Variants in COPG2 observed in about 807,000 individuals in gnomAD.
COPG2 encodes the protein coatomer subunit gamma-2.
A neutral mutation model predicts 46.3 loss-of-function variants in COPG2; 37 were observed. The ratio of observed to expected loss-of-function variants is 0.80; its 90% CI spans 0.61 to 1.05. The LOEUF is 1.05. Among genes scored for constraint, COPG2 ranks in the 50% least tolerant of loss-of-function variants. The pLI is 0.00. For synonymous variants in COPG2, 159 were observed against 129.7 expected (o/e 1.23, Z -1.53); for missense variants, 427 against 387.8 (o/e 1.10, Z -0.85).
chr7:130,587,621 G>A (rs1036043950), intron 9 of COPG2, among the ~76,000 whole-genome samples: 5 of 151,930 alleles, frequency 3.3e-5, no homozygotes, highest in Non-Finnish European at 7.4e-5. Flanking sequence ...TCCCTTCCTT[G>A]CACCTTATAC....
At chr7:130,601,014 T>G (rs1794623509) in intron 9 of COPG2, among the ~76,000 whole-genome samples, 1 of 152,236 alleles carries the variant, frequency 6.6e-6, no homozygotes. Flanking sequence ...CTCAATTCCC[T>G]TGCTTTGGGA....
intron 9 of COPG2, among the ~76,000 whole-genome samples, chr7:130,593,441 G>A (rs1396243412): frequency 1.3e-5 from 2 of 152,176 alleles, no homozygotes; most frequent in East Asian, 3.8e-4. Flanking sequence ...ACACAGAGAA[G>A]TAATGATGCA....
chr7:130,555,053 T>A lies in COPG2; in HGVS notation c.1208A>T (p.Asn403Ile), dbSNP rs1048074944. ...KHSVMMTFLSNMLRDDGGFEY... is the reference protein window; with the variant it reads ...KHSVMMTFLSIMLRDDGGFEY... ...TCTACCTACATCATCTCGGAGCATG[T>A]TGGAGAGGAAAGTCATCATGACACT... is the stretch of plus-strand genomic sequence containing the variant. Residue 403 changes from asparagine to isoleucine, a missense_variant, in exon 13 of 24, where the codon AAC becomes ATC. Asn to Ile is a moderately radical substitution (Grantham distance 149). Transcript: ENST00000425248. 1 of 398,502 alleles carries A rather than the reference T, an allele frequency of 2.5e-6. No homozygotes were observed. The highest frequency in any genetic ancestry group is 4.4e-6 in the Non-Finnish European group (1 of 226,004). 24.7% of individuals were successfully genotyped at this position (398,502 alleles called of 1,614,324 possible). A position where few individuals can be genotyped will look rare whatever the true frequency, so the allele number is the denominator to read the frequency against.
intron 9 of COPG2, among the ~76,000 whole-genome samples, chr7:130,592,615 G>T (rs1554449196): frequency 6.6e-6 from 1 of 152,048 alleles, no homozygotes; most frequent in Non-Finnish European, 1.5e-5. Context: ...TTGATAAGGG[G>T]TATCTTTTTT....
intron 9 of COPG2, among the ~76,000 whole-genome samples, chr7:130,578,220 A>AC (rs1287835188): frequency 2.0e-5 from 3 of 148,450 alleles, no homozygotes; most frequent in East Asian, 2.0e-4. Context: ...ACTGGGAGGC[A>AC]CCCCCCAGCA....
intron 20 of COPG2, among the ~76,000 whole-genome samples, chr7:130,531,639 G>C (rs1398875433): frequency 6.6e-6 from 1 of 152,120 alleles, no homozygotes; most frequent in Admixed American, 6.5e-5. Flanking sequence ...AATAAGGAAG[G>C]GAATGCGGTA....
intron 20 of COPG2, among the ~76,000 whole-genome samples, chr7:130,532,575 G>A (rs970187211): frequency 6.6e-6 from 1 of 151,990 alleles, no homozygotes; most frequent in Non-Finnish European, 1.5e-5. Context: ...GGAGGAGGGT[G>A]GGGGGAGATA....
rs1554459338 is a variant in COPG2, at chr7:130,652,957, T to C, written c.244-9A>G. On this transcript the variant is annotated splice_polypyrimidine_tract_variant and intron_variant, in intron 4 of 23. Coordinates refer to ENST00000425248, the MANE Select transcript of COPG2 (RefSeq NM_012133.6). ...ATTCTCCTCAATGTTTGCTGAAAAA[T>C]CATTTATAAAAGGTAACAGATTATT... is the stretch of plus-strand genomic sequence containing the variant. 5 of 1,572,918 alleles carry C rather than the reference T, an allele frequency of 3.2e-6. No homozygotes were observed. The highest frequency in any genetic ancestry group is 1.1e-5 in the South Asian group (1 of 87,006).
At chr7:130,540,988 G>A (rs1476234233) in intron 20 of COPG2, among the ~76,000 whole-genome samples, 1 of 152,170 alleles carries the variant, frequency 6.6e-6, no homozygotes, top group Admixed American at 6.5e-5. Context: ...CTGATAGGCC[G>A]CCTTGGGGTC....
intron 20 of COPG2, among the ~76,000 whole-genome samples, chr7:130,545,211 A>G (rs1423583795): frequency 5.3e-5 from 8 of 151,888 alleles, no homozygotes; most frequent in African/African-American, 1.5e-4. Context: ...ATTTCATCCT[A>G]TAACAGTCCT....
At chr7:130,565,672 CTAAAATATTTAATT>C (rs1171990384) in intron 9 of COPG2, among the ~76,000 whole-genome samples, 2 of 151,824 alleles carry the variant, frequency 1.3e-5, no homozygotes, top group Non-Finnish European at 2.9e-5. Flanking sequence ...CTAAAGGAAA[CTAAAATATTTAATT>C]TAAAGGGAAG....
At chr7:130,668,568 T>G in intron 1 of COPG2, 64 bp downstream of exon 1, 1 of 1,436,508 alleles carries the variant, frequency 7.0e-7, no homozygotes, top group Non-Finnish European at 9.3e-7. Flanking sequence ...TGAAAGCAGG[T>G]GGCGGCGGGC....
chr7:130,647,513 G>T (rs1584607430), intron 5 of COPG2, among the ~76,000 whole-genome samples: 2 of 152,094 alleles, frequency 1.3e-5, no homozygotes, highest in Admixed American at 6.5e-5. Flanking sequence ...TAAATACCTA[G>T]AAGGGGTATT....
intron 5 of COPG2, among the ~76,000 whole-genome samples, chr7:130,641,118 C>T (rs1343382974): frequency 7.1e-6 from 1 of 141,142 alleles, no homozygotes; most frequent in Non-Finnish European, 1.5e-5. Context: ...GATGAGAGGA[C>T]TGCTTGAGGT....
At chr7:130,575,533 C>T (rs1233391491) in intron 9 of COPG2, among the ~76,000 whole-genome samples, 1 of 152,078 alleles carries the variant, frequency 6.6e-6, no homozygotes, top group Non-Finnish European at 1.5e-5. Context: ...AAGCCACCAC[C>T]ACAAGGACTA....
intron 9 of COPG2, among the ~76,000 whole-genome samples, chr7:130,596,195 C>T (rs968219572): frequency 1.3e-5 from 2 of 152,282 alleles, no homozygotes. Context: ...TTCTGTTCTC[C>T]CAAGGGACCA....
At chr7:130,547,890 TCCTTC>T (rs1793470680) in intron 19 of COPG2, 45 bp from the exon 20 acceptor site, 3 of 398,458 alleles carry the variant, frequency 7.5e-6, no homozygotes, top group Non-Finnish European at 1.3e-5. Flanking sequence ...TAACAAGTTA[TCCTTC>T]CTACTCATAA....
chr7:130,544,436 C>T (rs1793393937), intron 20 of COPG2, among the ~76,000 whole-genome samples: 1 of 152,076 alleles, frequency 6.6e-6, no homozygotes, highest in Admixed American at 6.5e-5. Context: ...AACTCACATA[C>T]ATGTACTGTT....
intron 5 of COPG2, chr7:130,645,153 T>C (rs1301814028): frequency 3.7e-6 from 2 of 540,038 alleles, no homozygotes; most frequent in African/African-American, 3.9e-5. Flanking sequence ...GTGTTCACAG[T>C]AAGAAAATAT....
Sources: allele counts gnomAD v4.1 joint callset (sites outside exome capture counted in the v4.1 genomes callset), GRCh38; gene constraint gnomAD v4.1.1; transcripts MANE v1.5; gene names NCBI Gene and HGNC (gene_info 2026-07-23, HGNC 2026-07-21).